The following RNF144A variants were observed in gnomAD, a reference collection of about 807,000 sequenced individuals.
RNF144A encodes E3 ubiquitin-protein ligase RNF144A.
RNF144A carries 11 observed loss-of-function variants against 38.7 expected under a neutral mutation model. That is an observed-to-expected ratio of 0.28 (90% CI 0.18 to 0.47). RNF144A has a LOEUF of 0.47. RNF144A is among the 20% of genes least tolerant of loss of function. RNF144A has a pLI of 0.99. For synonymous variants in RNF144A, 149 were observed against 143.9 expected, an observed-to-expected ratio of 1.04 and a Z score of -0.25; for missense variants, 316 against 377.2, an observed-to-expected ratio of 0.84 and a Z score of 1.34.
chr2:7,004,422 G>A (rs1670309495), intron 3 of RNF144A, among the ~76,000 whole-genome samples: 1 of 152,206 alleles, frequency 6.6e-6, no homozygotes, highest in South Asian at 2.1e-4. Context: ...GGGTCCTTAA[G>A]ATGGGATCTA....
intron 3 of RNF144A, among the ~76,000 whole-genome samples, chr2:7,001,009 G>A (rs1670065502): frequency 6.6e-6 from 1 of 152,066 alleles, no homozygotes; most frequent in Admixed American, 6.6e-5. Context: ...ACTTAAAAAT[G>A]TAACATTTGG....
intron 1 of RNF144A, among the ~76,000 whole-genome samples, chr2:6,920,609 G>A (rs1664481821): frequency 6.6e-6 from 1 of 152,234 alleles, no homozygotes; most frequent in African/African-American, 2.4e-5. Context: ...CAGAGGCGGG[G>A]AATGGAATGG....
chr2:7,049,602 C>CT (rs1673440185), intron 6 of RNF144A, among the ~76,000 whole-genome samples: 1 of 152,192 alleles, frequency 6.6e-6, no homozygotes, highest in Non-Finnish European at 1.5e-5. Flanking sequence ...CAGAGTGGAT[C>CT]TTTTTCTCAT....
intron 2 of RNF144A, among the ~76,000 whole-genome samples, chr2:6,989,781 C>T (rs948200692): frequency 2.0e-5 from 3 of 152,146 alleles, no homozygotes; most frequent in Non-Finnish European, 4.4e-5. Flanking sequence ...CCCCTCCAAG[C>T]TACCAGTAAC....
intron 6 of RNF144A, among the ~76,000 whole-genome samples, chr2:7,062,514 AAAAG>A (rs1558471081): frequency 6.6e-6 from 1 of 151,814 alleles, no homozygotes; most frequent in African/African-American, 2.4e-5. Flanking sequence ...AAAAAAAAAA[AAAAG>A]AAAGAAATAG....
the RNF144A span, among the ~76,000 whole-genome samples, chr2:7,076,164 T>A: frequency 6.6e-6 from 1 of 152,216 alleles, no homozygotes; most frequent in East Asian, 1.9e-4. Context: ...TAGGGCTTGC[T>A]GAGGGGAAGA....
At chr2:7,019,327 T>C (rs1671356926) in intron 5 of RNF144A, among the ~76,000 whole-genome samples, 1 of 152,202 alleles carries the variant, frequency 6.6e-6, no homozygotes, top group Non-Finnish European at 1.5e-5. Context: ...CCCGTGGCAA[T>C]GCGTGTAGGT....
At chr2:6,959,721 C>G (rs572339830) in intron 2 of RNF144A, among the ~76,000 whole-genome samples, 1 of 152,184 alleles carries the variant, frequency 6.6e-6, no homozygotes, top group East Asian at 1.9e-4. Flanking sequence ...TCATCCATAA[C>G]CGGTGAATGG....
chr2:6,942,867 C>G (rs1211136237), intron 2 of RNF144A, among the ~76,000 whole-genome samples: 1 of 152,092 alleles, frequency 6.6e-6, no homozygotes, highest in African/African-American at 2.4e-5. Context: ...GCCTGTAATT[C>G]CAGCTACTCG....
chr2:7,036,354 A>G (rs1672674936), intron 8 of RNF144A, among the ~76,000 whole-genome samples: 1 of 152,274 alleles, frequency 6.6e-6, no homozygotes, highest in South Asian at 2.1e-4. Flanking sequence ...TAGCCAAAGG[A>G]TGGTATTTAC....
chr2:6,930,336 CATAAGG>C (rs1665123434), intron 1 of RNF144A, among the ~76,000 whole-genome samples: 1 of 152,032 alleles, frequency 6.6e-6, no homozygotes, highest in South Asian at 2.1e-4. Flanking sequence ...AATCAGAACT[CATAAGG>C]ATTGTGACAG....
chr2:6,923,515 G>T (rs1200913536), intron 1 of RNF144A, among the ~76,000 whole-genome samples: 1 of 152,180 alleles, frequency 6.6e-6, no homozygotes, highest in African/African-American at 2.4e-5. Context: ...GCCCTGGGAC[G>T]CTCTCCCACC....
chr2:6,957,444 T>C (rs940091242), intron 2 of RNF144A, among the ~76,000 whole-genome samples: 5 of 152,230 alleles, frequency 3.3e-5, no homozygotes, highest in Middle Eastern at 3.2e-3. Context: ...AATGTGATTA[T>C]GTGTGGGTAA....
chr2:7,038,040 T>G (rs2103459162), intron 8 of RNF144A, among the ~76,000 whole-genome samples: 1 of 152,378 alleles, frequency 6.6e-6, no homozygotes, highest in East Asian at 1.9e-4. Context: ...CCATGCCGCC[T>G]GACTCAGATG....
At chr2:7,050,598 C>G (rs749133089) in intron 6 of RNF144A, among the ~76,000 whole-genome samples, 9 of 152,210 alleles carry the variant, frequency 5.9e-5, no homozygotes, top group Admixed American at 2.6e-4. Context: ...CTGTTTCCAT[C>G]TTGTGATGCT....
chr2:6,960,905 T>G (rs918647812), intron 2 of RNF144A, among the ~76,000 whole-genome samples: 6 of 152,206 alleles, frequency 3.9e-5, no homozygotes, highest in African/African-American at 1.4e-4. Context: ...ACTTTTGAAA[T>G]TGGCAGTGAA....
At chr2:7,073,332 C>G in the RNF144A span, among the ~76,000 whole-genome samples, 3 of 152,286 alleles carry the variant, frequency 2.0e-5, no homozygotes, top group South Asian at 6.2e-4. Flanking sequence ...GTGTCTATCA[C>G]TCCCCGGAAT....
intron 7 of RNF144A, among the ~76,000 whole-genome samples, chr2:7,026,304 G>C (rs1671887647): frequency 6.6e-6 from 1 of 152,114 alleles, no homozygotes; most frequent in Non-Finnish European, 1.5e-5. Context: ...GACAACATCT[G>C]GGTAAAATGT....
chr2:6,996,713 A>G, intron 2 of RNF144A: 1 of 563,116 alleles, frequency 1.8e-6, no homozygotes, highest in Non-Finnish European at 3.2e-6. Context: ...AGATTGCACC[A>G]CTGTACTCCA....
Sources: allele counts gnomAD v4.1 joint callset (sites outside exome capture counted in the v4.1 genomes callset), GRCh38; gene constraint gnomAD v4.1.1; transcripts MANE v1.5; gene names NCBI Gene and HGNC (gene_info 2026-07-23, HGNC 2026-07-21).